ZNF469: variants seen among roughly 807,000 people sequenced by gnomAD.
The protein encoded by ZNF469 is zinc finger protein 469.
ZNF469 carries 1 observed loss-of-function variant against 1.0 expected under a neutral mutation model. That is an observed-to-expected ratio of 1.00 (90% CI 0.35 to 4.73). The LOEUF is 4.73. ZNF469 is among the 30% of genes most tolerant of loss of function. The probability of loss-of-function intolerance (pLI) is 0.16; values close to 1 mark genes in which losing one functional copy is unlikely to be tolerated. For missense variants in ZNF469, 6,100 were observed against 5,356.3 expected, an observed-to-expected ratio of 1.14 and a Z score of -4.33; for synonymous variants, 2,703 against 2,363.4, an observed-to-expected ratio of 1.14 and a Z score of -4.17.
At chr16:88,314,347 T>C in the ZNF469 span, among the ~76,000 whole-genome samples, 2 of 147,946 alleles carry the variant, frequency 1.4e-5, no homozygotes, top group African/African-American at 5.0e-5. Flanking sequence ...GCAGCGCTGG[T>C]GTGGGCTGTC....
the ZNF469 span, among the ~76,000 whole-genome samples, chr16:88,137,590 C>T: frequency 1.3e-5 from 2 of 152,150 alleles, no homozygotes; most frequent in African/African-American, 2.4e-5. Flanking sequence ...ATGCATACAA[C>T]TGTGCATGAA....
chr16:88,154,200 C>T, the ZNF469 span, among the ~76,000 whole-genome samples: 3 of 152,208 alleles, frequency 2.0e-5, no homozygotes, highest in African/African-American at 7.2e-5. Flanking sequence ...CTCTGTCGCC[C>T]AGGCTGGAGT....
At chr16:88,179,294 C>G in the ZNF469 span, among the ~76,000 whole-genome samples, 1 of 152,338 alleles carries the variant, frequency 6.6e-6, no homozygotes, top group South Asian at 2.1e-4. Context: ...CAGTCATGAA[C>G]GAGCCCTTGC....
the ZNF469 span, among the ~76,000 whole-genome samples, chr16:88,239,697 ATATATATATATATATATATTT>A: frequency 1.4e-3 from 9 of 6,568 alleles, no homozygotes; most frequent in South Asian, 0.067. Flanking sequence ...ATATATATAT[ATATATATATATATATATATTT>A]TTTTTTTTTT....
rs1017341130 is a variant in ZNF469 at position 88,437,234 on chromosome 16, C to T, written c.9764C>T (p.Pro3255Leu). 5 of 1,549,078 alleles carry T rather than the reference C, an allele frequency of 3.2e-6. No individual in the cohort carries two copies. In the African/African-American group the frequency reaches 6.9e-5, roughly 21 times the overall value. Reference protein sequence around the residue: ...AGKAAGSPGDPWGQEGEAKKD... With the variant: ...AGKAAGSPGDLWGQEGEAKKD... ...AAGGCCGCCGGGAGCCCGGGAGACC[C>T]GTGGGGGCAAGAGGGAGAAGCCAAG... is the stretch of plus-strand genomic sequence containing the variant. The change falls in exon 3 of 3, where the codon CCG becomes CTG. Residue 3255 changes from proline (P) to leucine (L), a missense_variant. Transcript: ENST00000565624.
chr16:88,377,957 G>C, the ZNF469 span, among the ~76,000 whole-genome samples: 1 of 152,160 alleles, frequency 6.6e-6, no homozygotes, highest in Admixed American at 6.5e-5. Context: ...GGTCACCACA[G>C]CGTGAGAGGA....
At chr16:88,400,659 A>G (rs895916817) in intron 1 of ZNF469, among the ~76,000 whole-genome samples, 3 of 152,100 alleles carry the variant, frequency 2.0e-5, no homozygotes, top group Admixed American at 1.3e-4. Context: ...CCCCACAGTC[A>G]TGGGTCAGCG....
chr16:88,121,243 G>C, the ZNF469 span, among the ~76,000 whole-genome samples: 366 of 117,390 alleles, frequency 3.1e-3, 6 homozygotes, highest in African/African-American at 0.011. Flanking sequence ...AGGTTGGGGG[G>C]TGGGGGCGCT....
chr16:88,243,286 A>C, the ZNF469 span, among the ~76,000 whole-genome samples: 1 of 152,054 alleles, frequency 6.6e-6, no homozygotes, highest in Non-Finnish European at 1.5e-5. Context: ...CACTCACTCT[A>C]AGCCTGCTCA....
At chr16:88,193,615 T>C in the ZNF469 span, 2 of 152,188 alleles carry the variant, frequency 1.3e-5, no homozygotes, top group African/African-American at 4.8e-5. Context: ...AGTAGGAGGA[T>C]AGCTTGAGCC....
At chr16:88,152,378 T>TG in the ZNF469 span, among the ~76,000 whole-genome samples, 2 of 152,204 alleles carry the variant, frequency 1.3e-5, no homozygotes, top group African/African-American at 4.8e-5. The surrounding 1 kb of genome is among the most constrained non-coding windows in gnomAD (Gnocchi z 4.2). Context: ...GGGTTTCTTC[T>TG]GGGGCTGGGG....
At chr16:88,270,991 C>T in the ZNF469 span, among the ~76,000 whole-genome samples, 1 of 152,230 alleles carries the variant, frequency 6.6e-6, no homozygotes, top group African/African-American at 2.4e-5. Context: ...GTCCACATCC[C>T]AGCTCTGGAA....
the ZNF469 span, among the ~76,000 whole-genome samples, chr16:88,343,470 G>C: frequency 6.6e-6 from 1 of 152,226 alleles, no homozygotes; most frequent in Non-Finnish European, 1.5e-5. Flanking sequence ...CCTAAGAGCA[G>C]AGTGTGTGTC....
chr16:88,264,364 C>G, the ZNF469 span, among the ~76,000 whole-genome samples: 1 of 152,004 alleles, frequency 6.6e-6, no homozygotes, highest in South Asian at 2.1e-4. Context: ...GCCCACCTTC[C>G]TCTCTCCCAT....
At chr16:88,168,551 A>G in the ZNF469 span, among the ~76,000 whole-genome samples, 1 of 152,100 alleles carries the variant, frequency 6.6e-6, no homozygotes, top group Non-Finnish European at 1.5e-5. The surrounding 1 kb of genome is among the most constrained non-coding windows in gnomAD (Gnocchi z 4.3). Context: ...GGTCCAGGTA[A>G]CTTCTTTCTT....
the ZNF469 span, among the ~76,000 whole-genome samples, chr16:88,103,800 G>A: frequency 6.7e-6 from 1 of 149,562 alleles, no homozygotes; most frequent in Non-Finnish European, 1.5e-5. Context: ...GGGGGTTGGT[G>A]GGATAATCCT....
chr16:88,187,679 G>T, the ZNF469 span, among the ~76,000 whole-genome samples: 1 of 149,404 alleles, frequency 6.7e-6, no homozygotes. Flanking sequence ...TATAGAAACA[G>T]TTTGAAGTAG....
the ZNF469 span, among the ~76,000 whole-genome samples, chr16:88,245,952 C>T: frequency 3.9e-5 from 6 of 152,284 alleles, no homozygotes; most frequent in Non-Finnish European, 5.9e-5. Context: ...CCTGGCTCAG[C>T]AGCTGGAATG....
chr16:88,238,811 C>T, the ZNF469 span, among the ~76,000 whole-genome samples: 1 of 152,240 alleles, frequency 6.6e-6, no homozygotes, highest in African/African-American at 2.4e-5. Flanking sequence ...AGCCCACTGT[C>T]CTTGTTGAGA....
Sources: allele counts gnomAD v4.1 joint callset (sites outside exome capture counted in the v4.1 genomes callset), GRCh38; gene constraint gnomAD v4.1.1; non-coding constraint Gnocchi (gnomAD v3.1); transcripts MANE v1.5; gene names NCBI Gene and HGNC (gene_info 2026-07-23, HGNC 2026-07-21).